USP25: variants seen among roughly 807,000 people sequenced by gnomAD.
USP25 encodes ubiquitin specific peptidase 25.
A neutral mutation model predicts 158.5 loss-of-function variants in USP25; 85 were observed. The ratio of observed to expected loss-of-function variants is 0.54; its 90% CI spans 0.45 to 0.64. USP25 has a LOEUF of 0.64. Among genes scored for constraint, USP25 ranks in the 30% least tolerant of loss-of-function variants. The pLI is 0.00. For missense variants in USP25, 1,242 were observed against 1,327.3 expected (o/e 0.94, Z 1.00); for synonymous variants, 464 against 460.4 (o/e 1.01, Z -0.10).
intron 6 of USP25, 116 bp from the exon 7 acceptor site, chr21:15,805,005 C>G: frequency 9.2e-7 from 1 of 1,081,836 alleles, no homozygotes. Context: ...CTAATTCATC[C>G]CTAAACTATA....
chr21:15,795,356 C>T (rs2035809034), intron 5 of USP25, among the ~76,000 whole-genome samples: 1 of 151,554 alleles, frequency 6.6e-6, no homozygotes, highest in African/African-American at 2.4e-5. Context: ...CCTTTTTCCC[C>T]TATTTTCTAT....
chr21:15,791,933 G>T (rs974394137), intron 5 of USP25, among the ~76,000 whole-genome samples: 4 of 151,678 alleles, frequency 2.6e-5, no homozygotes, highest in Non-Finnish European at 5.9e-5. Flanking sequence ...TTTAGGAATT[G>T]TTGGGGTGGA....
chr21:15,733,615 C>T lies in USP25; in HGVS notation c.45+3177C>T, dbSNP rs866666125. On this transcript the variant is annotated intron_variant, in intron 1 of 25. Coordinates refer to ENST00000400183, the MANE Select transcript of USP25 (RefSeq NM_001283041.3). ...CAGTACTTTGGGAAGGTGAGGCAGG[C>T]GGATCACGAGGTCAGGAGTTCGAGA... is the stretch of plus-strand genomic sequence containing the variant. Among the ~76,000 whole-genome samples the T allele has an allele frequency of 2.0e-4, 31 of 152,036 alleles. No homozygotes were observed. In the Middle Eastern group the frequency reaches 0.01, roughly 50 times the overall value.
chr21:15,844,740 A>G (rs1435612429), intron 18 of USP25, among the ~76,000 whole-genome samples: 2 of 152,168 alleles, frequency 1.3e-5, no homozygotes, highest in Non-Finnish European at 2.9e-5. Flanking sequence ...CTCACTACTC[A>G]TAGTTAATTA....
At chr21:15,745,379 T>A (rs890873420) in intron 1 of USP25, among the ~76,000 whole-genome samples, 1 of 152,192 alleles carries the variant, frequency 6.6e-6, no homozygotes, top group Non-Finnish European at 1.5e-5. Flanking sequence ...TGCATTTTCT[T>A]AACAGTTTCT....
intron 4 of USP25, among the ~76,000 whole-genome samples, chr21:15,786,624 C>T (rs1182802439): frequency 6.6e-6 from 1 of 151,958 alleles, no homozygotes; most frequent in African/African-American, 2.4e-5. Context: ...TGTACCTCAA[C>T]ACGGTAAAGA....
intron 1 of USP25, among the ~76,000 whole-genome samples, chr21:15,740,350 T>A (rs1037708879): frequency 2.6e-5 from 4 of 152,310 alleles, no homozygotes; most frequent in Admixed American, 2.6e-4. Context: ...GATTGAATTA[T>A]CACAATACAC....
intron 20 of USP25, among the ~76,000 whole-genome samples, chr21:15,857,385 A>T (rs146618257): frequency 6.6e-6 from 1 of 152,170 alleles, no homozygotes; most frequent in Non-Finnish European, 1.5e-5. Context: ...TGCAAATTTT[A>T]AATACTAGTA....
At chr21:15,794,599 G>A (rs1241868666) in intron 5 of USP25, among the ~76,000 whole-genome samples, 2 of 151,542 alleles carry the variant, frequency 1.3e-5, no homozygotes, top group South Asian at 4.1e-4. Context: ...CCATTTGGAT[G>A]CCGAGAAGTA....
At chr21:15,804,575 A>T (rs549164476) in intron 6 of USP25, among the ~76,000 whole-genome samples, 1 of 152,178 alleles carries the variant, frequency 6.6e-6, no homozygotes, top group South Asian at 2.1e-4. Flanking sequence ...CCACAGTGAC[A>T]GTCGGTGATT....
intron 1 of USP25, among the ~76,000 whole-genome samples, chr21:15,740,603 A>G (rs1001805031): frequency 1.5e-5 from 2 of 137,856 alleles, no homozygotes; most frequent in African/African-American, 5.3e-5. Flanking sequence ...AAGTGATTGT[A>G]CATGCTAAAG....
At position 15,825,037 on chromosome 21, in the gene USP25, C is replaced by T. The variant is rs201155673; in HGVS notation, c.1280C>T (p.Thr427Met). The change falls in exon 12 of 26, where the codon ACG becomes ATG. Residue 427 changes from threonine to methionine, a missense_variant. Transcript: ENST00000400183. Reference protein sequence around the residue: ...EEIKRLKDYLTVLQQRLERYL... With the variant: ...EEIKRLKDYLMVLQQRLERYL... ...ATCAAGAGACTGAAAGATTACCTCA[C>T]GGTATTACAACAAAGGCTAGAAAGG... 2.8e-5 allele frequency: 45 copies of T among 1,610,436 alleles called. No homozygotes were observed. Among genetic ancestry groups the T allele is most frequent in the Admixed American group, 1.2e-4 (7 of 59,376 alleles).
At chr21:15,850,202 T>G (rs1338753828) in intron 20 of USP25, among the ~76,000 whole-genome samples, 1 of 152,102 alleles carries the variant, frequency 6.6e-6, no homozygotes, top group Non-Finnish European at 1.5e-5. Flanking sequence ...CTGAGTAAAT[T>G]GCCCTGGTAA....
chr21:15,828,319 A>G (rs1348779556), intron 14 of USP25, among the ~76,000 whole-genome samples: 1 of 152,180 alleles, frequency 6.6e-6, no homozygotes, highest in Non-Finnish European at 1.5e-5. Flanking sequence ...GGCGTTGGGT[A>G]ATTTTCTACT....
chr21:15,819,627 T>C (rs1196083279), intron 10 of USP25, among the ~76,000 whole-genome samples: 3 of 152,132 alleles, frequency 2.0e-5, no homozygotes, highest in Admixed American at 1.3e-4. Context: ...ATAATACTTA[T>C]TGAGTGAATG....
At chr21:15,862,571 G>GTT (rs369492534) in intron 20 of USP25, among the ~76,000 whole-genome samples, 46 of 127,856 alleles carry the variant, frequency 3.6e-4, no homozygotes, top group Admixed American at 5.5e-4. Context: ...CCCCTTCCCC[G>GTT]TTTTTTTTTT....
chr21:15,864,014 G>T (rs1214882576), intron 20 of USP25, among the ~76,000 whole-genome samples: 1 of 150,722 alleles, frequency 6.6e-6, no homozygotes, highest in Admixed American at 6.6e-5. Context: ...TCCATCCTGG[G>T]GGAGAGTGGG....
chr21:15,740,095 G>T (rs2823467), intron 1 of USP25, among the ~76,000 whole-genome samples: 23,900 of 152,114 alleles, frequency 0.16, 3,989 homozygotes, highest in African/African-American at 0.42. Context: ...GATCAGTTTC[G>T]TATAATATGG....
At chr21:15,807,713 TCAC>T (rs1397493754) in intron 7 of USP25, among the ~76,000 whole-genome samples, 1 of 152,240 alleles carries the variant, frequency 6.6e-6, no homozygotes, top group Non-Finnish European at 1.5e-5. Flanking sequence ...ACAAGAACAC[TCAC>T]CATTGGATTT....
Sources: gnomAD v4.1 joint callset for allele counts (sites outside exome capture counted in the v4.1 genomes callset) on GRCh38, gnomAD v4.1.1 for gene constraint, MANE v1.5 for transcripts, NCBI Gene and HGNC (gene_info 2026-07-23, HGNC 2026-07-21) for gene names.